The following TMEM51 variants were observed in gnomAD, a reference collection of about 807,000 sequenced individuals.
TMEM51 encodes chromosome 1 open reading frame 72.
TMEM51 carries 8 observed loss-of-function variants against 13.6 expected under a neutral mutation model. That is an observed-to-expected ratio of 0.59 (90% CI 0.35 to 1.07). TMEM51 has a LOEUF of 1.07. Among genes scored for constraint, TMEM51 ranks in the 50% least tolerant of loss-of-function variants. The probability of loss-of-function intolerance (pLI) is 0.02; values close to 1 mark genes in which losing one functional copy is unlikely to be tolerated. For synonymous variants in TMEM51, 147 were observed against 144.4 expected (o/e 1.02, Z -0.13); for missense variants, 279 against 330.7 (o/e 0.84, Z 1.21).
chr1:15,179,520 T>C (rs886240710), intron 1 of TMEM51, among the ~76,000 whole-genome samples: 2 of 152,200 alleles, frequency 1.3e-5, no homozygotes, highest in Non-Finnish European at 2.9e-5. Flanking sequence ...CAATAGCTCC[T>C]GCCTGTAATC....
At chr1:15,200,283 T>G (rs1644128500) in intron 1 of TMEM51, among the ~76,000 whole-genome samples, 1 of 151,828 alleles carries the variant, frequency 6.6e-6, no homozygotes, top group Admixed American at 6.6e-5. Flanking sequence ...GGCATGCACC[T>G]ATAGTCCCCA....
intron 1 of TMEM51, among the ~76,000 whole-genome samples, chr1:15,185,983 G>A (rs571147204): frequency 2.6e-5 from 4 of 152,156 alleles, no homozygotes; most frequent in Admixed American, 6.5e-5. Flanking sequence ...GGTCAGAGAG[G>A]CTGACTCCAT....
intron 1 of TMEM51, among the ~76,000 whole-genome samples, chr1:15,187,859 T>C (rs1643830976): frequency 6.6e-6 from 1 of 152,098 alleles, no homozygotes; most frequent in Admixed American, 6.5e-5. Context: ...AGAGCTCTGA[T>C]AAAACCCTCA....
intron 1 of TMEM51, among the ~76,000 whole-genome samples, chr1:15,159,533 A>C (rs1642700350): frequency 1.3e-5 from 2 of 152,180 alleles, no homozygotes; most frequent in Non-Finnish European, 2.9e-5. Flanking sequence ...AAGAGTTAAT[A>C]ACCCTGTTCT....
chr1:15,192,738 AC>A, intron 1 of TMEM51: 1 of 165,760 alleles, frequency 6.0e-6, no homozygotes, highest in Admixed American at 6.3e-5. Flanking sequence ...GGCGTGAGCC[AC>A]TGCGCCTGGC....
chr1:15,196,685 C>A (rs1644057090), intron 1 of TMEM51, among the ~76,000 whole-genome samples: 1 of 152,188 alleles, frequency 6.6e-6, no homozygotes, highest in South Asian at 2.1e-4. Context: ...TGCTTCCAGA[C>A]TGGTACCAGA....
chr1:15,177,573 G>A (rs947749679), intron 1 of TMEM51, among the ~76,000 whole-genome samples: 2 of 152,210 alleles, frequency 1.3e-5, no homozygotes, highest in Admixed American at 6.5e-5. Flanking sequence ...GTCACAGACT[G>A]AAGGGGGGGG....
intron 1 of TMEM51, among the ~76,000 whole-genome samples, chr1:15,187,405 C>A (rs1643813628): frequency 6.6e-6 from 1 of 152,222 alleles, no homozygotes; most frequent in South Asian, 2.1e-4. Flanking sequence ...GGTCTCACTG[C>A]GGCTTCTTCT....
chr1:15,219,631 G>A lies in TMEM51; in HGVS notation c.650G>A (p.Arg217Lys). 6.2e-7 allele frequency: 1 copy of A among 1,614,072 alleles called. No homozygotes were observed. The highest frequency in any genetic ancestry group is 8.5e-7 in the Non-Finnish European group (1 of 1,180,048). The stretch of plus-strand genomic sequence containing the variant: ...GAAAAGCTTCACCTCAAAGACTTTA[G>A]GATCAACCTCCCAGACAAAAACGTC... Reference protein sequence around the residue: ...KSEKLHLKDFRINLPDKNVPP... With the variant: ...KSEKLHLKDFKINLPDKNVPP... Residue 217 changes from arginine to lysine, a missense_variant, in exon 4 of 4, where the codon AGG becomes AAG. Physicochemically the swap from Arg to Lys is conservative, Grantham distance 26 (BLOSUM62 2). Coordinates refer to ENST00000376008, the MANE Select transcript of TMEM51 (RefSeq NM_001136218.2).
At chr1:15,187,466 G>A (rs1643816192) in intron 1 of TMEM51, among the ~76,000 whole-genome samples, 3 of 152,198 alleles carry the variant, frequency 2.0e-5, no homozygotes, top group Admixed American at 2.0e-4. Context: ...GGGTGGTGAT[G>A]CCTGTAGGTC....
intron 1 of TMEM51, among the ~76,000 whole-genome samples, chr1:15,198,789 C>G (rs1349394460): frequency 1.3e-5 from 2 of 152,244 alleles, no homozygotes; most frequent in African/African-American, 4.8e-5. Flanking sequence ...GCTCTCTTTT[C>G]TTTCCCTCCA....
chr1:15,195,987 T>G (rs779930483), intron 1 of TMEM51, among the ~76,000 whole-genome samples: 1 of 152,282 alleles, frequency 6.6e-6, no homozygotes, highest in East Asian at 1.9e-4. Flanking sequence ...AGGCAAAAAG[T>G]TCCCTCCCCA....
chr1:15,187,679 G>A (rs142795275), intron 1 of TMEM51, among the ~76,000 whole-genome samples: 11 of 152,298 alleles, frequency 7.2e-5, no homozygotes, highest in African/African-American at 2.6e-4. Flanking sequence ...TTCCCACCAC[G>A]GTGATTTATG....
intron 3 of TMEM51, among the ~76,000 whole-genome samples, chr1:15,217,003 C>T (rs1392373426): frequency 6.6e-6 from 1 of 152,158 alleles, no homozygotes; most frequent in Non-Finnish European, 1.5e-5. Context: ...GAATTTTCTA[C>T]AAGCATTTCT....
chr1:15,208,795 T>A (rs1396685089), intron 1 of TMEM51, among the ~76,000 whole-genome samples: 1 of 152,006 alleles, frequency 6.6e-6, no homozygotes, highest in Non-Finnish European at 1.5e-5. Context: ...AGATATGAGC[T>A]GTGACAGCAA....
In TMEM51 at chr1:15,184,172, G is replaced by A. The variant is rs576516578; in HGVS notation, c.-266-26318G>A. 8.5e-5 allele frequency among the ~76,000 whole-genome samples: 13 copies of A among 152,328 alleles called. No individual in the cohort carries two copies. In the South Asian group the frequency reaches 1.7e-3, roughly 19 times the overall value. ...TCCTGCACAGCCTCCCGAGTCAGGCGTGCGCCACCACACCAGGATAATATT... is the reference window on the plus strand; with the variant it reads ...TCCTGCACAGCCTCCCGAGTCAGGCATGCGCCACCACACCAGGATAATATT... On this transcript the variant is annotated intron_variant, in intron 1 of 3. Transcript: ENST00000376008.
At chr1:15,153,452 G>T (rs929458698), upstream of TMEM51, among the ~76,000 whole-genome samples, 1 of 152,204 alleles carries the variant, frequency 6.6e-6, no homozygotes, top group Admixed American at 6.5e-5. Context: ...TAGGGAGGAG[G>T]GGGGATCAGG....
chr1:15,177,093 G>A (rs1419865954), intron 1 of TMEM51, among the ~76,000 whole-genome samples: 2 of 152,108 alleles, frequency 1.3e-5, no homozygotes, highest in African/African-American at 2.4e-5. Flanking sequence ...AAAGTGGGGT[G>A]CCAAGCCCCT....
At chr1:15,213,896 C>T (rs191074310) in intron 2 of TMEM51, among the ~76,000 whole-genome samples, 31 of 151,956 alleles carry the variant, frequency 2.0e-4, no homozygotes, top group Admixed American at 1.4e-3. Context: ...GGCTGGAGTG[C>T]AGTGGCACAA....
Sources: gnomAD v4.1 joint callset for allele counts (sites outside exome capture counted in the v4.1 genomes callset) on GRCh38, gnomAD v4.1.1 for gene constraint, MANE v1.5 for transcripts, NCBI Gene and HGNC (gene_info 2026-07-23, HGNC 2026-07-21) for gene names.